Variants in CD109 observed in about 807,000 individuals in gnomAD.
CD109 encodes CD109 molecule.
CD109 carries 149 observed loss-of-function variants against 165.8 expected under a neutral mutation model. That is an observed-to-expected ratio of 0.90 (90% CI 0.79 to 1.03). The LOEUF (loss-of-function observed/expected upper bound fraction) is 1.03, where lower values mean the gene tolerates loss of function less well. CD109 is among the 50% of genes least tolerant of loss of function. The pLI is 0.00. For synonymous variants in CD109, 585 were observed against 592.1 expected (o/e 0.99, Z 0.18); for missense variants, 1,712 against 1,677.8 (o/e 1.02, Z -0.36).
chr6:73,789,339 ATAT>A (rs1449243667), intron 22 of CD109, among the ~76,000 whole-genome samples: 2 of 152,220 alleles, frequency 1.3e-5, no homozygotes, highest in African/African-American at 4.8e-5. Flanking sequence ...ATACAAAGTG[ATAT>A]TATGGCTTAT....
intron 23 of CD109, among the ~76,000 whole-genome samples, chr6:73,794,389 TCAC>T (rs1775082558): frequency 1.3e-5 from 2 of 152,174 alleles, no homozygotes; most frequent in South Asian, 2.1e-4. Flanking sequence ...TGCTTGAGTA[TCAC>T]CACCGTGTAA....
chr6:73,692,228 A>T, upstream of CD109, among the ~76,000 whole-genome samples: 1 of 152,148 alleles, frequency 6.6e-6, no homozygotes, highest in South Asian at 2.1e-4. Context: ...CAACACCTTA[A>T]AGACAGCTCA....
chr6:73,680,179 T>C, the CD109 span, among the ~76,000 whole-genome samples: 1 of 152,218 alleles, frequency 6.6e-6, no homozygotes, highest in African/African-American at 2.4e-5. Flanking sequence ...ACAATGTCTA[T>C]TTCCTAACTA....
chr6:73,757,445 T>A (rs1362451061), intron 6 of CD109, among the ~76,000 whole-genome samples: 1 of 152,236 alleles, frequency 6.6e-6, no homozygotes, highest in African/African-American at 2.4e-5. Flanking sequence ...CATGAAAATT[T>A]GAATTTCATA....
chr6:73,701,935 C>G (rs1343382149), intron 2 of CD109, among the ~76,000 whole-genome samples: 1 of 152,118 alleles, frequency 6.6e-6, no homozygotes, highest in African/African-American at 2.4e-5. Flanking sequence ...ACAAAAGAAC[C>G]CTTAAAACCA....
At chr6:73,729,595 C>G (rs1245197803) in intron 3 of CD109, among the ~76,000 whole-genome samples, 2 of 151,804 alleles carry the variant, frequency 1.3e-5, no homozygotes, top group Non-Finnish European at 2.9e-5. Context: ...TCTCGGCTCA[C>G]TGCAACCTCC....
At chr6:73,715,151 A>G (rs1771679186) in intron 2 of CD109, among the ~76,000 whole-genome samples, 5 of 152,122 alleles carry the variant, frequency 3.3e-5, no homozygotes, top group Admixed American at 2.6e-4. Context: ...TCCCAGCTAC[A>G]TGGGAGGCTG....
chr6:73,740,088 A>G (rs574011515), intron 5 of CD109, among the ~76,000 whole-genome samples: 1 of 152,228 alleles, frequency 6.6e-6, no homozygotes, highest in African/African-American at 2.4e-5. Context: ...TATGTTGCCC[A>G]GGCTGATCTT....
chr6:73,745,001 C>G (rs1484510440), intron 5 of CD109, among the ~76,000 whole-genome samples: 1 of 152,222 alleles, frequency 6.6e-6, no homozygotes, highest in East Asian at 1.9e-4. Flanking sequence ...TGGTTAGGCT[C>G]ACACAGTGTG....
chr6:73,702,015 T>C (rs752451908), intron 2 of CD109, among the ~76,000 whole-genome samples: 11 of 152,184 alleles, frequency 7.2e-5, no homozygotes, highest in Non-Finnish European at 1.6e-4. Context: ...CGTCTCCAGG[T>C]GAGTGCCTGC....
At chr6:73,822,913 ATAGGTACTT>A (rs1776147870) in intron 32 of CD109, among the ~76,000 whole-genome samples, 1 of 141,642 alleles carries the variant, frequency 7.1e-6, no homozygotes, top group Non-Finnish European at 1.5e-5. Flanking sequence ...CTGTGGTGTT[ATAGGTACTT>A]TAAGTAGTTT....
chr6:73,806,636 A>G (rs1250716410), intron 24 of CD109, among the ~76,000 whole-genome samples: 2 of 152,182 alleles, frequency 1.3e-5, no homozygotes, highest in African/African-American at 4.8e-5. Context: ...CCCAAGTGGA[A>G]ACCAGTTCTG....
At chr6:73,720,957 G>T (rs557204359) in intron 2 of CD109, among the ~76,000 whole-genome samples, 3 of 152,242 alleles carry the variant, frequency 2.0e-5, no homozygotes, top group South Asian at 2.1e-4. Context: ...CTGTAACATT[G>T]TACCCCTCCT....
At chr6:73,716,638 T>G (rs1207197367) in intron 2 of CD109, among the ~76,000 whole-genome samples, 1 of 152,258 alleles carries the variant, frequency 6.6e-6, no homozygotes, top group Non-Finnish European at 1.5e-5. Flanking sequence ...ATTAGATTTT[T>G]TCCTGTAGAG....
At position 73,806,916 on chromosome 6, in the gene CD109, C is replaced by T. The variant is rs141631524; in HGVS notation, c.3033C>T (p.His1011=). The T allele has an allele frequency of 1.0e-4, 164 of 1,613,756 alleles. No homozygotes were observed. The highest frequency in any genetic ancestry group is 1.4e-4 in the Non-Finnish European group (160 of 1,179,928). Residue 1011 remains histidine (H), a synonymous_variant, in exon 25 of 33, where the codon CAC becomes CAT. Coordinates refer to ENST00000287097, the MANE Select transcript of CD109 (RefSeq NM_133493.5). ...PYIDIDQNVL[H]RTYTWLKGHQ... is the part of the protein sequence containing the mutation. Reference sequence around the variant, plus strand: ...TAGATATTGATCAGAATGTGTTACACAGAACATACACTTGGCTTAAAGGAC... The same window carrying T: ...TAGATATTGATCAGAATGTGTTACATAGAACATACACTTGGCTTAAAGGAC...
chr6:73,730,455 T>TAAGG lies in CD109; in HGVS notation c.388_389insAAGG (p.Ser130Ter). 6.2e-7 allele frequency: 1 copy of TAAGG among 1,613,472 alleles called. No homozygotes were observed. The highest frequency in any genetic ancestry group is 2.2e-5 in the East Asian group (1 of 44,862). ...CTTATCATTTGAGACCAAGAGAATATCTGTCTTCATTCAAACAGACAAGGC... is the reference window on the plus strand; with the variant it reads ...CTTATCATTTGAGACCAAGAGAATATAAGGCTGTCTTCATTCAAACAGACAAGGC... On this transcript the variant is annotated stop_gained and frameshift_variant, in exon 4 of 33. Transcript: ENST00000287097. LOFTEE classifies it high-confidence loss of function.
intron 2 of CD109, among the ~76,000 whole-genome samples, chr6:73,721,661 G>A (rs572922657): frequency 2.0e-4 from 30 of 152,100 alleles, no homozygotes; most frequent in African/African-American, 6.3e-4. Flanking sequence ...ACCCACGCCC[G>A]GCCAGTAATT....
chr6:73,754,910 ACTCT>A (rs1034436905), intron 5 of CD109, among the ~76,000 whole-genome samples: 1 of 152,192 alleles, frequency 6.6e-6, no homozygotes, highest in African/African-American at 2.4e-5. Flanking sequence ...CCACCACTAG[ACTCT>A]CTAATGCTGA....
chr6:73,794,719 G>T (rs1042509671), intron 23 of CD109, among the ~76,000 whole-genome samples: 1 of 152,080 alleles, frequency 6.6e-6, no homozygotes, highest in Admixed American at 6.5e-5. Context: ...GGACATAGTG[G>T]TATATTTTCC....
Sources: gnomAD v4.1 joint callset for allele counts (sites outside exome capture counted in the v4.1 genomes callset) on GRCh38, gnomAD v4.1.1 for gene constraint, MANE v1.5 for transcripts, NCBI Gene and HGNC (gene_info 2026-07-23, HGNC 2026-07-21) for gene names.